The following SIL1 variants were observed in gnomAD, a reference collection of about 807,000 sequenced individuals.
SIL1 encodes the protein nucleotide exchange factor SIL1.
SIL1 carries 40 observed loss-of-function variants against 49.1 expected under a neutral mutation model. The ratio of observed to expected loss-of-function variants is 0.81; its 90% CI spans 0.63 to 1.06. The LOEUF (loss-of-function observed/expected upper bound fraction) is 1.06. SIL1 is among the 50% of genes least tolerant of loss of function. SIL1 has a pLI of 0.00. For synonymous variants in SIL1, 253 were observed against 250.8 expected (o/e 1.01, Z -0.08); for missense variants, 500 against 572.6 (o/e 0.87, Z 1.29).
chr5:139,025,855 C>T (rs2150432312), intron 6 of SIL1, among the ~76,000 whole-genome samples: 1 of 152,336 alleles, frequency 6.6e-6, no homozygotes. Context: ...TCTGTCACAA[C>T]TACTCAATTC....
rs531097070 is a variant in SIL1, at chr5:139,118,583, G to A, written c.244+2452C>T. ...TTGAACCCCAAACTGGCTGAATCTA[G>A]TCTGTCCTCTTTACCACTAAATTAT... is the stretch of plus-strand genomic sequence containing the variant. On this transcript the variant is annotated intron_variant, in intron 3 of 9. Transcript: ENST00000394817. Among the ~76,000 whole-genome samples the A allele has an allele frequency of 7.2e-5, 11 of 152,276 alleles. No homozygotes were observed. In the South Asian group the frequency reaches 1.9e-3, roughly 26 times the overall value.
intron 1 of SIL1, among the ~76,000 whole-genome samples, chr5:139,138,790 T>C (rs951009142): frequency 3.9e-5 from 6 of 152,118 alleles, no homozygotes; most frequent in African/African-American, 7.2e-5. Context: ...GAGCAAAGAA[T>C]AGGATAAGCA....
chr5:139,010,255 C>T lies in SIL1; in HGVS notation c.767+10916G>A, dbSNP rs1270414488. On this transcript the variant is annotated intron_variant, in intron 7 of 9. Transcript: ENST00000394817. Reference sequence around the variant, plus strand: ...TACCCTTTCTTCCAGTTGATCGCATCGGCTCCTGAGGCTTCTGCATTCTTC... The same window carrying T: ...TACCCTTTCTTCCAGTTGATCGCATTGGCTCCTGAGGCTTCTGCATTCTTC... Among the ~76,000 whole-genome samples the T allele has an allele frequency of 6.7e-5, 10 of 149,166 alleles. 2 individuals are homozygous for T. Among genetic ancestry groups the T allele is most frequent in the Admixed American group, 2.7e-4 (4 of 14,920 alleles).
chr5:139,140,476 C>G (rs141387897), intron 1 of SIL1, among the ~76,000 whole-genome samples: 131 of 152,256 alleles, frequency 8.6e-4, no homozygotes, highest in African/African-American at 2.9e-3. Flanking sequence ...TCAGCAACTG[C>G]AACATTTTAT....
intron 7 of SIL1, among the ~76,000 whole-genome samples, chr5:138,992,654 T>C (rs1034395952): frequency 1.3e-4 from 20 of 151,008 alleles, no homozygotes; most frequent in African/African-American, 4.8e-4. Context: ...AAATAATCCT[T>C]GGGCGCTAAA....
At chr5:139,092,160 A>G (rs895439806) in intron 3 of SIL1, among the ~76,000 whole-genome samples, 1 of 152,194 alleles carries the variant, frequency 6.6e-6, no homozygotes, top group Non-Finnish European at 1.5e-5. Context: ...TAAAAAGCAT[A>G]TGATCACTAA....
intron 3 of SIL1, among the ~76,000 whole-genome samples, chr5:139,097,007 C>T (rs1159345838): frequency 6.6e-6 from 1 of 152,062 alleles, no homozygotes; most frequent in Non-Finnish European, 1.5e-5. Context: ...CACAAGCTGA[C>T]TTAAGAGCCC....
At chr5:139,181,197 G>A (rs909598889) in intron 1 of SIL1, among the ~76,000 whole-genome samples, 1 of 152,128 alleles carries the variant, frequency 6.6e-6, no homozygotes, top group African/African-American at 2.4e-5. Flanking sequence ...CCTCTAGTGT[G>A]ACTCTTAATG....
At chr5:139,004,788 A>T (rs762703954) in intron 7 of SIL1, among the ~76,000 whole-genome samples, 3 of 152,258 alleles carry the variant, frequency 2.0e-5, no homozygotes, top group Non-Finnish European at 4.4e-5. Flanking sequence ...AAAATAAAGA[A>T]AAACTGCCAT....
intron 1 of SIL1, among the ~76,000 whole-genome samples, chr5:139,170,698 GC>G (rs1751738301): frequency 2.6e-5 from 4 of 151,502 alleles, no homozygotes; most frequent in Admixed American, 2.0e-4. Context: ...GAAGTGAGGA[GC>G]CCCTCCGCCC....
At chr5:139,103,134 G>T (rs1322730062) in intron 3 of SIL1, among the ~76,000 whole-genome samples, 1 of 152,214 alleles carries the variant, frequency 6.6e-6, no homozygotes, top group Admixed American at 6.5e-5. Context: ...GGAAGAAGAT[G>T]TAGTGAACTT....
At chr5:139,130,098 C>T (rs950420591) in intron 1 of SIL1, among the ~76,000 whole-genome samples, 4 of 152,120 alleles carry the variant, frequency 2.6e-5, no homozygotes, top group Non-Finnish European at 5.9e-5. Flanking sequence ...CATGGCTAGA[C>T]CTCTTCTCTA....
At chr5:139,158,844 G>T (rs531074930) in intron 1 of SIL1, among the ~76,000 whole-genome samples, 2 of 152,076 alleles carry the variant, frequency 1.3e-5, no homozygotes, top group East Asian at 3.8e-4. Context: ...AGCTTTCTTT[G>T]CTTAGTCCTA....
chr5:138,964,291 G>A (rs193053917), intron 7 of SIL1, among the ~76,000 whole-genome samples: 2 of 152,326 alleles, frequency 1.3e-5, no homozygotes, highest in Admixed American at 6.5e-5. Flanking sequence ...AACGAACATA[G>A]TTCCTGTCTC....
At chr5:138,965,688 G>A (rs969850617) in intron 7 of SIL1, among the ~76,000 whole-genome samples, 12 of 148,284 alleles carry the variant, frequency 8.1e-5, no homozygotes, top group Admixed American at 6.9e-4. Context: ...AGGCACCCAC[G>A]GAGGGGGATA....
At chr5:139,171,886 A>G (rs570860835) in intron 1 of SIL1, among the ~76,000 whole-genome samples, 1 of 152,132 alleles carries the variant, frequency 6.6e-6, no homozygotes, top group Non-Finnish European at 1.5e-5. Context: ...TTGGAAAAAG[A>G]TTAAAATATC....
intron 1 of SIL1, among the ~76,000 whole-genome samples, chr5:139,177,612 C>T (rs1751911429): frequency 6.6e-6 from 1 of 152,100 alleles, no homozygotes; most frequent in Admixed American, 6.5e-5. Context: ...GCATGGCCTT[C>T]CAGATGAATA....
intron 1 of SIL1, among the ~76,000 whole-genome samples, chr5:139,166,803 C>T (rs1282760372): frequency 6.6e-6 from 1 of 151,676 alleles, no homozygotes; most frequent in Non-Finnish European, 1.5e-5. Context: ...CACCAGCACA[C>T]CTGGCAATGT....
Position 139,173,300 on chromosome 5 carries a change from C to T in SIL1, c.-11+24969G>A, listed in dbSNP as rs186007329. Among the ~76,000 whole-genome samples, 4 of 152,208 alleles carry T rather than the reference C, an allele frequency of 2.6e-5. No individual in the cohort carries two copies. The East Asian group carries it at 5.8e-4, about 22-fold the overall frequency. On this transcript the variant is annotated intron_variant, in intron 1 of 9. Transcript: ENST00000394817. ...GTGTAGTGGCTCAAGCCTGTAATAC[C>T]AGCACTTTGGAGACCAAGGCAGGCA...
Sources: allele counts gnomAD v4.1 joint callset (sites outside exome capture counted in the v4.1 genomes callset), GRCh38; gene constraint gnomAD v4.1.1; transcripts MANE v1.5; gene names NCBI Gene and HGNC (gene_info 2026-07-23, HGNC 2026-07-21).